The following TM9SF3 variants were observed in gnomAD, a reference collection of about 807,000 sequenced individuals.
The protein encoded by TM9SF3 is SM-11044-binding protein.
In TM9SF3, 14 loss-of-function variants were observed where a neutral mutation model predicts 78.6. That is an observed-to-expected ratio of 0.18 (90% CI 0.12 to 0.28). The LOEUF is 0.28. Ranked by LOEUF, TM9SF3 falls within the 10% of genes least tolerant of loss-of-function variation. The pLI is 1.00. For synonymous variants in TM9SF3, 231 were observed against 241.7 expected (o/e 0.96, Z 0.41); for missense variants, 496 against 721.9 (o/e 0.69, Z 3.59).
intron 3 of TM9SF3, 92 bp downstream of exon 3, chr10:96,565,212 T>G: frequency 8.7e-7 from 1 of 1,149,290 alleles, no homozygotes. Flanking sequence ...ATTTACACCA[T>G]GATCCAGTAC....
intron 1 of TM9SF3, among the ~76,000 whole-genome samples, chr10:96,582,148 C>G (rs1043363328): frequency 4.6e-5 from 7 of 151,986 alleles, no homozygotes; most frequent in East Asian, 1.9e-4. Flanking sequence ...GTTAAGGAAA[C>G]AGAACCCATA....
intron 1 of TM9SF3, among the ~76,000 whole-genome samples, chr10:96,579,779 T>TAA (rs1273163803): frequency 6.6e-6 from 1 of 152,238 alleles, no homozygotes; most frequent in East Asian, 1.9e-4. Flanking sequence ...ACAATTAACT[T>TAA]AAAATGTTTA....
chr10:96,577,508 G>T (rs983792267), intron 1 of TM9SF3: 75 of 152,338 alleles, frequency 4.9e-4, no homozygotes, highest in African/African-American at 1.6e-3. Flanking sequence ...GGTCAGTAAT[G>T]ACTTTGAGTA....
chr10:96,558,086 T>C, intron 5 of TM9SF3, among the ~76,000 whole-genome samples: 1 of 152,208 alleles, frequency 6.6e-6, no homozygotes, highest in East Asian at 1.9e-4. Flanking sequence ...GTGAAAATAC[T>C]AAAAGGCAGT....
In TM9SF3 at chr10:96,520,285, C is replaced by G. The variant is rs1362159515; in HGVS notation, c.*1978G>C. On this transcript the variant is annotated 3_prime_UTR_variant, in exon 15 of 15. Transcript: ENST00000371142. ...TAAGAAGGAAGAGAAAATGGAAGTA[C>G]CAATAAATTATATTTAATATACCAT... 1 of 151,680 alleles carries G rather than the reference C, an allele frequency of 6.6e-6. No individual in the cohort carries two copies. Among genetic ancestry groups the G allele is most frequent in the African/African-American group, 2.4e-5 (1 of 41,366 alleles). The allele number at this position is 151,680 out of a possible 1,614,324, so 9.4% of individuals were successfully genotyped here.
At chr10:96,585,524 C>T (rs1286422436) in intron 1 of TM9SF3, among the ~76,000 whole-genome samples, 1 of 152,212 alleles carries the variant, frequency 6.6e-6, no homozygotes, top group Non-Finnish European at 1.5e-5. Flanking sequence ...TAAAGAAATA[C>T]ATACCTACAC....
intron 14 of TM9SF3, among the ~76,000 whole-genome samples, chr10:96,525,310 T>C (rs569132083): frequency 6.6e-6 from 1 of 152,182 alleles, no homozygotes; most frequent in South Asian, 2.1e-4. Flanking sequence ...CTCTCATCTT[T>C]CTCTCAAAGT....
rs1848637831 is a variant in TM9SF3, at chr10:96,586,803, C to G, written c.33G>C (p.Ala11=). 2 of 1,276,782 alleles carry G rather than the reference C, an allele frequency of 1.6e-6. No homozygotes were observed. Among genetic ancestry groups the G allele is most frequent in the Non-Finnish European group, 2.0e-6 (2 of 1,010,100 alleles). The allele number at this position is 1,276,782 out of a possible 1,614,324, so 79.1% of individuals were successfully genotyped here. Reference sequence around the variant, plus strand: ...GCAGCAGCCACAGCGCGGCGGCCGCCGCCACGCCAAGAGCGCCAGGCAGCG... The same window carrying G: ...GCAGCAGCCACAGCGCGGCGGCCGCGGCCACGCCAAGAGCGCCAGGCAGCG... MRPLPGALGV[A]AAAALWLLLL... Residue 11 remains alanine, a synonymous_variant, in exon 1 of 15, where the codon GCG becomes GCC. Transcript: ENST00000371142.
intron 4 of TM9SF3, among the ~76,000 whole-genome samples, chr10:96,560,027 T>C (rs998411439): frequency 6.6e-6 from 1 of 152,234 alleles, no homozygotes; most frequent in Admixed American, 6.5e-5. Flanking sequence ...TGATATGAAC[T>C]GAATTAGTAT....
intron 7 of TM9SF3, among the ~76,000 whole-genome samples, chr10:96,550,846 T>A (rs1417448555): frequency 1.3e-5 from 2 of 152,202 alleles, no homozygotes; most frequent in African/African-American, 4.8e-5. Context: ...ACTCTGATGT[T>A]TTCCAGATCT....
At position 96,520,453 on chromosome 10, in the gene TM9SF3, G is replaced by T. The variant is rs1156488; in HGVS notation, c.*1810C>A. ...ATATAGGATGTAGAGTCCATCAATA[G>T]ATAGGTACATATTTTGTAATGAAAA... is the stretch of plus-strand genomic sequence containing the variant. On this transcript the variant is annotated 3_prime_UTR_variant, in exon 15 of 15. Transcript: ENST00000371142. 154,232 of 155,246 alleles carry T rather than the reference G, an allele frequency of 0.99. 76,620 individuals are homozygous for T. Among genetic ancestry groups the T allele is most frequent in the Middle Eastern group, 1 (300 of 300 alleles). 9.6% of individuals were successfully genotyped at this position (155,246 alleles called of 1,614,324 possible). A position where few individuals can be genotyped will look rare whatever the true frequency, so the allele number is the denominator to read the frequency against.
Position 96,540,418 on chromosome 10 carries a change from C to T in TM9SF3, c.1185+3658G>A, listed in dbSNP as rs144611900. Reference sequence around the variant, plus strand: ...TCAAACATTACTTAATGTGATCTCTCGGTATCTCTAAAAGATCATTTTTAT... The same window carrying T: ...TCAAACATTACTTAATGTGATCTCTTGGTATCTCTAAAAGATCATTTTTAT... On this transcript the variant is annotated intron_variant, in intron 9 of 14. Coordinates refer to ENST00000371142, the MANE Select transcript of TM9SF3 (RefSeq NM_020123.4). Among the ~76,000 whole-genome samples, 300 of 152,296 alleles carry T rather than the reference C, an allele frequency of 2.0e-3. 6 individuals carry two copies. The East Asian group carries it at 0.049, about 25-fold the overall frequency.
chr10:96,586,879 T>C lies in TM9SF3; in HGVS notation c.-44A>G, dbSNP rs2134166569. 8.6e-7 allele frequency: 1 copy of C among 1,160,652 alleles called. No individual in the cohort carries two copies. Among genetic ancestry groups the C allele is most frequent in the Non-Finnish European group, 1.1e-6 (1 of 940,018 alleles). 71.9% of individuals were successfully genotyped at this position (1,160,652 alleles called of 1,614,324 possible). ...CCGGAGCCGGCTCACCGACTCCTCC[T>C]CCCGCCGCCGCCTCCTCCGCCGCCG... On this transcript the variant is annotated 5_prime_UTR_variant, in exon 1 of 15. Coordinates refer to ENST00000371142, the MANE Select transcript of TM9SF3 (RefSeq NM_020123.4).
chr10:96,520,562 A>T lies in TM9SF3; in HGVS notation c.*1701T>A, dbSNP rs1483071155. 3.8e-6 allele frequency: 1 copy of T among 264,304 alleles called. No homozygotes were observed. Among genetic ancestry groups the T allele is most frequent in the Non-Finnish European group, 7.1e-6 (1 of 141,420 alleles). 16.4% of individuals were successfully genotyped at this position (264,304 alleles called of 1,614,324 possible). A position where few individuals can be genotyped will look rare whatever the true frequency, so the allele number is the denominator to read the frequency against. On this transcript the variant is annotated 3_prime_UTR_variant, in exon 15 of 15. Coordinates refer to ENST00000371142, the MANE Select transcript of TM9SF3 (RefSeq NM_020123.4). ...TGAGTCTTTCTAAAAATAACAATAT[A>T]AAGTATTGTTTTAGGTGGTCATTTG...
At chr10:96,562,981 T>A (rs1040484270) in intron 3 of TM9SF3, among the ~76,000 whole-genome samples, 2 of 152,234 alleles carry the variant, frequency 1.3e-5, no homozygotes, top group African/African-American at 4.8e-5. Flanking sequence ...TTATAAAATA[T>A]TATTTATTAA....
In TM9SF3 at chr10:96,520,934, T is replaced by A; in HGVS notation, c.*1329A>T. On this transcript the variant is annotated 3_prime_UTR_variant, in exon 15 of 15. Transcript: ENST00000371142. ...AATGGCATTCGGTAATTTTGCCTTC[T>A]GGACAGAAAGATATCTTCAAATTGC... 2.5e-6 allele frequency: 1 copy of A among 397,358 alleles called. No individual in the cohort carries two copies. Among genetic ancestry groups the A allele is most frequent in the Admixed American group, 4.4e-5 (1 of 22,676 alleles). 24.6% of individuals were successfully genotyped at this position (397,358 alleles called of 1,614,324 possible).
chr10:96,532,001 T>A (rs1564928584), intron 10 of TM9SF3, among the ~76,000 whole-genome samples: 1 of 151,858 alleles, frequency 6.6e-6, no homozygotes, highest in African/African-American at 2.4e-5. Context: ...ACGAGGTTAG[T>A]AGATCGAGAC....
rs779362271 is a variant in TM9SF3 at position 96,551,371 on chromosome 10, T to A, written c.833A>T (p.His278Leu). 6.2e-7 allele frequency: 1 copy of A among 1,611,996 alleles called. No homozygotes were observed. Among genetic ancestry groups the A allele is most frequent in the Non-Finnish European group, 8.5e-7 (1 of 1,179,104 alleles). Residue 278 changes from histidine (H) to leucine (L), a missense_variant, in exon 7 of 15, where the codon CAT (histidine) becomes CTT (leucine). Coordinates refer to ENST00000371142, the MANE Select transcript of TM9SF3 (RefSeq NM_020123.4). The part of the protein sequence containing the change: ...LGDEYGWKQV[H>L]GDVFRPSSHP... The stretch of plus-strand genomic sequence containing the variant: ...ACTTGATGGTCTAAATACATCTCCA[T>A]GCACCTGTTTCCATCCATATTCATC...
At chr10:96,548,120 T>C (rs1165316173) in intron 7 of TM9SF3, 131 bp from the exon 8 acceptor site, 7 of 572,836 alleles carry the variant, frequency 1.2e-5, no homozygotes, top group Admixed American at 3.6e-5. Context: ...CAACCTGGAC[T>C]ACAAATAAAA....
Sources: allele counts gnomAD v4.1 joint callset (sites outside exome capture counted in the v4.1 genomes callset), GRCh38; gene constraint gnomAD v4.1.1; transcripts MANE v1.5; gene names NCBI Gene and HGNC (gene_info 2026-07-23, HGNC 2026-07-21).